Variants in SLC27A2 observed in about 807,000 individuals in gnomAD.
The protein encoded by SLC27A2 is solute carrier family 27 member 2, also known as long-chain fatty acid transport protein 2.
SLC27A2 carries 54 observed loss-of-function variants against 60.0 expected under a neutral mutation model. The ratio of observed to expected loss-of-function variants is 0.90; its 90% CI spans 0.72 to 1.13. The LOEUF (loss-of-function observed/expected upper bound fraction) is 1.13. Ranked by LOEUF, SLC27A2 falls within the 50% of genes most tolerant of loss-of-function variation. The pLI is 0.00. For missense variants in SLC27A2, 739 were observed against 777.6 expected (o/e 0.95, Z 0.59); for synonymous variants, 297 against 297.6 (o/e 1.00, Z 0.02).
At chr15:50,216,798 A>G (rs1464362448) in intron 4 of SLC27A2, among the ~76,000 whole-genome samples, 2 of 144,564 alleles carry the variant, frequency 1.4e-5, no homozygotes, top group Admixed American at 1.4e-4. Context: ...ATAAATATAT[A>G]TCCACAAAAT....
intron 4 of SLC27A2, among the ~76,000 whole-genome samples, chr15:50,219,524 A>T (rs141614499): frequency 9.4e-6 from 1 of 106,902 alleles, no homozygotes; most frequent in African/African-American, 3.4e-5. Context: ...GCAGGGCTTT[A>T]AAAAAAAAAT....
chr15:50,190,909 T>C (rs1372587534), intron 1 of SLC27A2: 1 of 152,212 alleles, frequency 6.6e-6, no homozygotes, highest in Non-Finnish European at 1.5e-5. Context: ...CAAGAAAAGA[T>C]CATCCATGTT....
chr15:50,190,320 C>T (rs1027219061), intron 1 of SLC27A2, among the ~76,000 whole-genome samples: 1 of 152,244 alleles, frequency 6.6e-6, no homozygotes, highest in Admixed American at 6.5e-5. Context: ...TTGACTTGCT[C>T]ATCAACCAAC....
intron 4 of SLC27A2, among the ~76,000 whole-genome samples, chr15:50,210,489 C>T (rs1480564932): frequency 1.3e-5 from 2 of 152,300 alleles, no homozygotes; most frequent in South Asian, 2.1e-4. Flanking sequence ...GCCCTGGGAG[C>T]TCACTGGCTC....
chr15:50,210,922 G>A (rs1277117168), intron 4 of SLC27A2, among the ~76,000 whole-genome samples: 2 of 152,062 alleles, frequency 1.3e-5, no homozygotes, highest in East Asian at 3.9e-4. Flanking sequence ...ATCCTCTTAG[G>A]TACACAACTC....
chr15:50,233,901 A>G lies in SLC27A2; in HGVS notation c.1589A>G (p.Lys530Arg), dbSNP rs1388782102. The stretch of plus-strand genomic sequence containing the variant: ...GGTCGCATTGGCATGGCCTCCATCA[A>G]AATGAAAGAAAACCATGAATTTGAT... ...HEGRIGMASI[K>R]MKENHEFDGK... The change falls in exon 9 of 10, where the codon AAA becomes AGA. Residue 530 changes from lysine (K) to arginine (R), a missense_variant. Physicochemically the swap from Lys to Arg is conservative, Grantham distance 26. Transcript: ENST00000267842. The G allele has an allele frequency of 6.2e-7, 1 of 1,614,026 alleles. No individual in the cohort carries two copies. The highest frequency in any genetic ancestry group is 2.2e-5 in the East Asian group (1 of 44,888).
chr15:50,184,464 T>G (rs2044902590), intron 1 of SLC27A2, among the ~76,000 whole-genome samples: 1 of 152,118 alleles, frequency 6.6e-6, no homozygotes, highest in Non-Finnish European at 1.5e-5. Context: ...AAACCAGGAA[T>G]CTTACACACC....
At chr15:50,201,775 T>C (rs2045066106) in intron 2 of SLC27A2, among the ~76,000 whole-genome samples, 1 of 152,088 alleles carries the variant, frequency 6.6e-6, no homozygotes, top group African/African-American at 2.4e-5. Context: ...CAGGATGGTC[T>C]TGATCTCCTG....
intron 1 of SLC27A2, among the ~76,000 whole-genome samples, chr15:50,183,741 G>T (rs1254277868): frequency 6.6e-6 from 1 of 152,138 alleles, no homozygotes; most frequent in Non-Finnish European, 1.5e-5. Context: ...CCTTCTCTCA[G>T]TCAGTAAGAA....
At position 50,233,917 on chromosome 15, in the gene SLC27A2, T is replaced by C. The variant is rs34984126; in HGVS notation, c.1605T>C (p.His535=). 4,954 of 1,613,916 alleles carry C rather than the reference T, an allele frequency of 3.1e-3. 138 individuals carry two copies. In the African/African-American group the frequency reaches 0.06, roughly 19 times the overall value. Residue 535 remains histidine, a synonymous_variant, in exon 9 of 10, where the codon CAT becomes CAC. Coordinates refer to ENST00000267842, the MANE Select transcript of SLC27A2 (RefSeq NM_003645.4). The part of the protein sequence containing the change: ...GMASIKMKEN[H]EFDGKKLFQH... ...CCTCCATCAAAATGAAAGAAAACCA[T>C]GAATTTGATGGAAAGAAACTCTTTC...
intron 4 of SLC27A2, among the ~76,000 whole-genome samples, chr15:50,221,600 C>T (rs2045242558): frequency 6.6e-6 from 1 of 152,116 alleles, no homozygotes; most frequent in Admixed American, 6.5e-5. Context: ...AAGAGTAATT[C>T]TTATTCCAAA....
chr15:50,215,265 C>T (rs948117367), intron 4 of SLC27A2, among the ~76,000 whole-genome samples: 3 of 151,996 alleles, frequency 2.0e-5, no homozygotes, highest in Non-Finnish European at 4.4e-5. Context: ...ACCAAGGAGT[C>T]AAAAGGCCTC....
chr15:50,235,063 C>A (rs1195072691), intron 9 of SLC27A2, among the ~76,000 whole-genome samples: 1 of 152,176 alleles, frequency 6.6e-6, no homozygotes, highest in African/African-American at 2.4e-5. Flanking sequence ...CTTCCTCCAA[C>A]ATTAACCCTT....
rs947570628 is a variant in SLC27A2, at chr15:50,226,884, G to A, written c.1259-96G>A. The A allele has an allele frequency of 5.4e-6, 5 of 927,588 alleles. No homozygotes were observed. The Admixed American group carries it at 1.3e-4, about 25-fold the overall frequency. The allele number at this position is 927,588 out of a possible 1,614,324, so 57.5% of individuals were successfully genotyped here. A position where few individuals can be genotyped will look rare whatever the true frequency, so the allele number is the denominator to read the frequency against. On this transcript the variant is annotated intron_variant, in intron 6 of 9. Coordinates refer to ENST00000267842, the MANE Select transcript of SLC27A2 (RefSeq NM_003645.4). ...AAATGATACTTCCTACAGCCAGCTT[G>A]TTGCCAGCAGGTTGTATGGCATTAG...
At chr15:50,232,740 G>C (rs80232445) in intron 8 of SLC27A2, among the ~76,000 whole-genome samples, 16 of 152,340 alleles carry the variant, frequency 1.1e-4, no homozygotes, top group Non-Finnish European at 2.4e-4. Flanking sequence ...AGATTTCTAA[G>C]ACAGGTGCTA....
chr15:50,196,167 G>A (rs1380777432), intron 1 of SLC27A2, among the ~76,000 whole-genome samples: 1 of 130,232 alleles, frequency 7.7e-6, no homozygotes, highest in Non-Finnish European at 1.6e-5. Context: ...AAGACAAGTA[G>A]GCTTAAAAGC....
At chr15:50,219,966 T>C (rs2045231594) in intron 4 of SLC27A2, among the ~76,000 whole-genome samples, 1 of 152,210 alleles carries the variant, frequency 6.6e-6, no homozygotes, top group Non-Finnish European at 1.5e-5. Context: ...AGAAACACTG[T>C]TCGCCCTATG....
At chr15:50,199,912 A>C (rs1049394940) in intron 2 of SLC27A2, among the ~76,000 whole-genome samples, 1 of 152,328 alleles carries the variant, frequency 6.6e-6, no homozygotes, top group Non-Finnish European at 1.5e-5. Flanking sequence ...AGAGCAAGGC[A>C]CTGTCTGTAG....
chr15:50,189,912 T>G (rs1467407146), intron 1 of SLC27A2, among the ~76,000 whole-genome samples: 1 of 152,082 alleles, frequency 6.6e-6, no homozygotes, highest in Non-Finnish European at 1.5e-5. Flanking sequence ...AAAGCAAGAG[T>G]TCATATAAGC....
Sources: allele counts gnomAD v4.1 joint callset (sites outside exome capture counted in the v4.1 genomes callset), GRCh38; gene constraint gnomAD v4.1.1; transcripts MANE v1.5; gene names NCBI Gene and HGNC (gene_info 2026-07-23, HGNC 2026-07-21).